The following MRAS variants were observed in gnomAD, a reference collection of about 807,000 sequenced individuals.
MRAS encodes the protein ras-related protein M-Ras.
Under a neutral mutation model 20.9 loss-of-function variants are expected in MRAS, and 4 were observed. The observed-to-expected ratio is 0.19, with a 90% CI of 0.09 to 0.44. The LOEUF (loss-of-function observed/expected upper bound fraction) is 0.44, where lower values mean the gene tolerates loss of function less well. MRAS is among the 20% of genes least tolerant of loss of function. MRAS has a pLI of 0.99. For synonymous variants in MRAS, 98 were observed against 102.9 expected (o/e 0.95, Z 0.29); for missense variants, 154 against 277.5 (o/e 0.56, Z 3.16).
chr3:138,362,764 T>C (rs1043393743), intron 1 of MRAS, among the ~76,000 whole-genome samples: 6 of 152,116 alleles, frequency 3.9e-5, no homozygotes, highest in Admixed American at 2.6e-4. Flanking sequence ...GCAGTGCTTA[T>C]TAAGCAGCCA....
At chr3:138,381,406 C>T (rs1026068253) in intron 2 of MRAS, among the ~76,000 whole-genome samples, 9 of 152,316 alleles carry the variant, frequency 5.9e-5, no homozygotes, top group East Asian at 3.9e-4. Flanking sequence ...TTGACTCTGC[C>T]GAGCGTGTCC....
chr3:138,376,262 CTT>C (rs2054781470), intron 2 of MRAS, among the ~76,000 whole-genome samples: 1 of 152,204 alleles, frequency 6.6e-6, no homozygotes, highest in Non-Finnish European at 1.5e-5. Flanking sequence ...TCAAATGTCA[CTT>C]TATCTAAGAG....
intron 2 of MRAS, among the ~76,000 whole-genome samples, chr3:138,391,178 C>G (rs145716066): frequency 6.6e-5 from 10 of 152,060 alleles, no homozygotes; most frequent in African/African-American, 2.4e-4. Flanking sequence ...GTTTATTTTC[C>G]CTTTTCTAGC....
In MRAS at chr3:138,377,470, T is replaced by G. The variant is rs950636827; in HGVS notation, c.193+4394T>G. Among the ~76,000 whole-genome samples, 3 of 152,176 alleles carry G rather than the reference T, an allele frequency of 2.0e-5. No homozygotes were observed. In the South Asian group the frequency reaches 6.2e-4, roughly 32 times the overall value. On this transcript the variant is annotated intron_variant, in intron 2 of 5. Coordinates refer to ENST00000423968, the MANE Select transcript of MRAS (RefSeq NM_001085049.3). ...AAATACAAAAAAAATTAGCCAGGCC[T>G]GGTGGCGCCTGTCATCTCAGCTACT...
chr3:138,388,262 C>T (rs2055058189), intron 2 of MRAS, among the ~76,000 whole-genome samples: 1 of 152,208 alleles, frequency 6.6e-6, no homozygotes, highest in South Asian at 2.1e-4. Context: ...ATAGTAAACA[C>T]CCCTCATCAC....
chr3:138,382,213 GA>G (rs2054919495), intron 2 of MRAS, among the ~76,000 whole-genome samples: 2 of 152,240 alleles, frequency 1.3e-5, no homozygotes, highest in African/African-American at 4.8e-5. Context: ...CCATGCTGCT[GA>G]AATGCCTCAC....
intron 2 of MRAS, among the ~76,000 whole-genome samples, chr3:138,374,258 C>T (rs894661025): frequency 2.6e-5 from 4 of 152,124 alleles, no homozygotes; most frequent in East Asian, 1.9e-4. Flanking sequence ...TGAACCACCA[C>T]GCCTGGCTTA....
At chr3:138,367,425 C>G (rs2054583099) in intron 1 of MRAS, among the ~76,000 whole-genome samples, 1 of 152,160 alleles carries the variant, frequency 6.6e-6, no homozygotes, top group African/African-American at 2.4e-5. Context: ...TGTCCCTGAC[C>G]TCCCAAGCTG....
intron 2 of MRAS, among the ~76,000 whole-genome samples, chr3:138,384,233 A>G (rs992172674): frequency 2.0e-5 from 3 of 152,134 alleles, no homozygotes; most frequent in African/African-American, 7.2e-5. Context: ...AAACGTGGAT[A>G]CTTCTCAGTT....
intron 1 of MRAS, among the ~76,000 whole-genome samples, chr3:138,371,284 C>T (rs893386090): frequency 2.0e-5 from 3 of 152,214 alleles, no homozygotes; most frequent in African/African-American, 4.8e-5. Context: ...CAATGACTCT[C>T]GACTGTAGCC....
chr3:138,383,164 C>T (rs925725647), intron 2 of MRAS, among the ~76,000 whole-genome samples: 3 of 152,172 alleles, frequency 2.0e-5, no homozygotes, highest in African/African-American at 7.2e-5. Flanking sequence ...ACTGTGCCCA[C>T]CATTGTATCT....
intron 1 of MRAS, among the ~76,000 whole-genome samples, chr3:138,358,144 G>A (rs1337080942): frequency 1.3e-5 from 2 of 152,204 alleles, no homozygotes; most frequent in East Asian, 3.9e-4. Flanking sequence ...AGACCAGCCT[G>A]GCCAACATGG....
chr3:138,373,166 T>G, intron 2 of MRAS, 90 bp downstream of exon 2: 1 of 1,164,962 alleles, frequency 8.6e-7, no homozygotes, highest in Non-Finnish European at 1.2e-6. Flanking sequence ...GCAAGATGGT[T>G]TCCTTAATGT....
intron 1 of MRAS, among the ~76,000 whole-genome samples, chr3:138,366,714 C>T (rs1369120194): frequency 2.0e-5 from 3 of 152,236 alleles, no homozygotes; most frequent in Non-Finnish European, 4.4e-5. Context: ...CATGACAGTT[C>T]TAACATGACC....
chr3:138,355,141 A>C (rs926011884), intron 1 of MRAS, among the ~76,000 whole-genome samples: 11 of 152,160 alleles, frequency 7.2e-5, no homozygotes, highest in Non-Finnish European at 1.3e-4. Context: ...GGAAACTAAA[A>C]GTATGATGGC....
chr3:138,355,071 C>T (rs1009095239), intron 1 of MRAS, among the ~76,000 whole-genome samples: 1 of 152,064 alleles, frequency 6.6e-6, no homozygotes, highest in African/African-American at 2.4e-5. Context: ...AGGCATGAGC[C>T]CCCACACCTG....
At chr3:138,392,744 CTT>C (rs2055158300) in intron 2 of MRAS, among the ~76,000 whole-genome samples, 1 of 152,032 alleles carries the variant, frequency 6.6e-6, no homozygotes, top group Admixed American at 6.6e-5. Context: ...TTATATGTGT[CTT>C]TGAAAGAAGG....
intron 1 of MRAS, among the ~76,000 whole-genome samples, chr3:138,361,850 CG>C (rs1028625087): frequency 6.6e-6 from 1 of 152,156 alleles, no homozygotes; most frequent in African/African-American, 2.4e-5. Flanking sequence ...TCTTTCACTG[CG>C]GGTGAGACTG....
chr3:138,377,274 A>G (rs1342857620), intron 2 of MRAS, among the ~76,000 whole-genome samples: 2 of 152,210 alleles, frequency 1.3e-5, no homozygotes, highest in African/African-American at 4.8e-5. Flanking sequence ...AGATTCCCAG[A>G]TTAGATGCTT....
Sources: allele counts gnomAD v4.1 joint callset (sites outside exome capture counted in the v4.1 genomes callset), GRCh38; gene constraint gnomAD v4.1.1; transcripts MANE v1.5; gene names NCBI Gene and HGNC (gene_info 2026-07-23, HGNC 2026-07-21).